The following ZBTB20 variants were observed in gnomAD, a reference collection of about 807,000 sequenced individuals.
The protein encoded by ZBTB20 is zinc finger and BTB domain containing 20, also known as zinc finger and BTB domain-containing protein 20.
A neutral mutation model predicts 56.9 loss-of-function variants in ZBTB20; 9 were observed. The ratio of observed to expected loss-of-function variants is 0.16; its 90% confidence interval spans 0.10 to 0.28. The LOEUF (loss-of-function observed/expected upper bound fraction) is 0.28. Ranked by LOEUF, ZBTB20 falls within the 10% of genes least tolerant of loss-of-function variation. The pLI is 1.00. For synonymous variants in ZBTB20, 417 were observed against 420.7 expected (o/e 0.99, Z 0.11); for missense variants, 655 against 1,003.0 (o/e 0.65, Z 4.69).
intron 5 of ZBTB20, among the ~76,000 whole-genome samples, chr3:114,736,669 T>C (rs2066183904): frequency 6.6e-6 from 1 of 152,116 alleles, no homozygotes; most frequent in Admixed American, 6.6e-5. Context: ...TAAAGGGATG[T>C]TATTAAAAAT....
chr3:114,728,072 T>C (rs2065437523), intron 5 of ZBTB20, among the ~76,000 whole-genome samples: 1 of 152,154 alleles, frequency 6.6e-6, no homozygotes, highest in South Asian at 2.1e-4. Flanking sequence ...TTGTTAAATA[T>C]CTTCATTGTA....
At chr3:114,530,832 C>T (rs1271476244) in intron 6 of ZBTB20, among the ~76,000 whole-genome samples, 1 of 152,118 alleles carries the variant, frequency 6.6e-6, no homozygotes, top group Non-Finnish European at 1.5e-5. Flanking sequence ...TGAAATACTT[C>T]ATCCCTGGTT....
chr3:114,339,305 G>A lies in ZBTB20; in HGVS notation c.1926C>T (p.Arg642=), dbSNP rs540580639. The change falls in exon 12 of 12, where the codon CGC becomes CGT. Residue 642 remains arginine (R), a synonymous_variant. Transcript: ENST00000675478. This position sits in a 1 kb window ranked among gnomAD's most constrained non-coding sequence, Gnocchi z 4.2. ...CGTTGAGGGAGCTCTTCTGGGTGAA[G>A]CGCTTGTTGCAGATACTACACTGGT... ...RAYQCSICNK[R]FTQKSSLNVH... is the part of the protein sequence containing the mutation. 1.9e-6 allele frequency: 3 copies of A among 1,614,090 alleles called. No individual in the cohort carries two copies. Among genetic ancestry groups the A allele is most frequent in the Non-Finnish European group, 2.5e-6 (3 of 1,180,056 alleles).
intron 5 of ZBTB20, among the ~76,000 whole-genome samples, chr3:114,768,621 T>C (rs1282005487): frequency 3.3e-5 from 5 of 152,182 alleles, no homozygotes; most frequent in Non-Finnish European, 5.9e-5. Flanking sequence ...GCCTTAACTG[T>C]ACTAATGGGA....
At chr3:114,349,504 A>ATT (rs540399223) in intron 11 of ZBTB20, among the ~76,000 whole-genome samples, 107 of 152,282 alleles carry the variant, frequency 7.0e-4, no homozygotes, top group African/African-American at 2.4e-3. Flanking sequence ...ATGTTCATCC[A>ATT]TTCTCTCCTT....
chr3:114,694,094 T>C (rs914138971), intron 5 of ZBTB20, among the ~76,000 whole-genome samples: 6 of 152,080 alleles, frequency 3.9e-5, no homozygotes, highest in Non-Finnish European at 7.4e-5. Flanking sequence ...CTCGGTTTCA[T>C]GAGTTGTGAG....
intron 6 of ZBTB20, chr3:114,529,214 T>C (rs1403020378): frequency 2.0e-5 from 3 of 152,214 alleles, no homozygotes; most frequent in Admixed American, 2.0e-4. Flanking sequence ...ACATACGCTG[T>C]CCCAGGCCTG....
intron 3 of ZBTB20, among the ~76,000 whole-genome samples, chr3:114,972,415 C>T (rs537902811): frequency 1.3e-5 from 2 of 152,270 alleles, no homozygotes; most frequent in African/African-American, 4.8e-5. Context: ...AGTACCATTT[C>T]TGCATAAGAT....
At chr3:115,130,512 T>C (rs2084473079) in intron 1 of ZBTB20, among the ~76,000 whole-genome samples, 1 of 152,256 alleles carries the variant, frequency 6.6e-6, no homozygotes, top group South Asian at 2.1e-4. Flanking sequence ...GATGTGGGCA[T>C]GACCAATAGA....
intron 6 of ZBTB20, among the ~76,000 whole-genome samples, chr3:114,542,181 A>C (rs1577405837): frequency 6.6e-6 from 1 of 152,266 alleles, no homozygotes; most frequent in African/African-American, 2.4e-5. Context: ...ACTGAGCTGC[A>C]TCAGCTAACT....
chr3:114,437,545 G>C (rs1423478481), intron 7 of ZBTB20, among the ~76,000 whole-genome samples: 1 of 152,058 alleles, frequency 6.6e-6, no homozygotes, highest in Non-Finnish European at 1.5e-5. Context: ...AGTGAGTTAG[G>C]CTTTGTGTTA....
intron 7 of ZBTB20, among the ~76,000 whole-genome samples, chr3:114,465,957 G>A (rs1032293752): frequency 2.6e-5 from 4 of 151,932 alleles, no homozygotes; most frequent in African/African-American, 7.3e-5. Context: ...TTTCCTTTGC[G>A]ACAATAATTA....
At chr3:115,129,047 C>A (rs1188788921) in intron 1 of ZBTB20, among the ~76,000 whole-genome samples, 27 of 151,690 alleles carry the variant, frequency 1.8e-4, no homozygotes, top group Admixed American at 1.8e-3. Context: ...TGCAGTGAGC[C>A]GAGATTGCAC....
intron 1 of ZBTB20, among the ~76,000 whole-genome samples, chr3:115,087,021 A>T (rs1199625166): frequency 1.3e-5 from 2 of 151,848 alleles, no homozygotes; most frequent in Non-Finnish European, 2.9e-5. Context: ...GGGTGATACT[A>T]GGGCCAAATA....
chr3:114,529,120 A>C (rs1261631108), intron 6 of ZBTB20: 1 of 152,212 alleles, frequency 6.6e-6, no homozygotes, highest in East Asian at 1.9e-4. Context: ...TTGAGCACAT[A>C]GCTAAGTTCC....
chr3:114,662,505 G>A (rs1487013755), intron 6 of ZBTB20, among the ~76,000 whole-genome samples: 1 of 145,228 alleles, frequency 6.9e-6, no homozygotes, highest in Non-Finnish European at 1.5e-5. Flanking sequence ...GGTTGAACTA[G>A]TTTACAGTCC....
chr3:115,110,912 C>T (rs2083859902), intron 1 of ZBTB20, among the ~76,000 whole-genome samples: 1 of 152,020 alleles, frequency 6.6e-6, no homozygotes, highest in African/African-American at 2.4e-5. Flanking sequence ...ATTACTTGAA[C>T]CTGGGAGGCA....
intron 1 of ZBTB20, among the ~76,000 whole-genome samples, chr3:115,111,007 AATAAATAAATAAAT>A (rs1236987972): frequency 1.1e-4 from 3 of 27,792 alleles, no homozygotes; most frequent in African/African-American, 5.1e-4. Flanking sequence ...TAAAAATAAA[AATAAATAAATAAAT>A]AAATAAATAA....
At chr3:115,043,294 C>T (rs1003544809) in intron 2 of ZBTB20, among the ~76,000 whole-genome samples, 7 of 152,040 alleles carry the variant, frequency 4.6e-5, no homozygotes, top group Admixed American at 6.6e-5. Context: ...CATGGTGGCT[C>T]ACACCTGTAA....
Sources: allele counts gnomAD v4.1 joint callset (sites outside exome capture counted in the v4.1 genomes callset), GRCh38; gene constraint gnomAD v4.1.1; non-coding constraint Gnocchi (gnomAD v3.1); transcripts MANE v1.5; gene names NCBI Gene and HGNC (gene_info 2026-07-23, HGNC 2026-07-21).